Variants in AP5M1 observed in about 807,000 individuals in gnomAD.
The protein encoded by AP5M1 is AP-5 complex subunit mu-1.
In AP5M1, 44 loss-of-function variants were observed where a neutral mutation model predicts 52.3. The ratio of observed to expected loss-of-function variants is 0.84; its 90% CI spans 0.66 to 1.08. The LOEUF (loss-of-function observed/expected upper bound fraction) is 1.08, where lower values mean the gene tolerates loss of function less well. Ranked by LOEUF, AP5M1 falls within the 50% of genes least tolerant of loss-of-function variation. The pLI, the probability that AP5M1 is intolerant of heterozygous loss-of-function variation, is 0.00. For missense variants in AP5M1, 526 were observed against 568.4 expected (o/e 0.93, Z 0.76); for synonymous variants, 213 against 199.0 (o/e 1.07, Z -0.59).
At position 57,297,737 on chromosome 14, in the gene AP5M1, C is replaced by T. The variant is rs1405484836; in HGVS notation, c.*8853C>T. On this transcript the variant is annotated 3_prime_UTR_variant, in exon 8 of 8. Transcript: ENST00000261558. ...TTTTCATACCTTTATATTTCCAGTGCCACCAGAAACACAAAAGCAGCTTAG... is the reference window on the plus strand; with the variant it reads ...TTTTCATACCTTTATATTTCCAGTGTCACCAGAAACACAAAAGCAGCTTAG... The T allele has an allele frequency of 6.6e-6, 1 of 151,972 alleles. No individual in the cohort carries two copies. The highest frequency in any genetic ancestry group is 1.9e-4 in the East Asian group (1 of 5,190). The allele number at this position is 151,972 out of a possible 1,614,324, so 9.4% of individuals were successfully genotyped here.
At chr14:57,284,992 A>T (rs1885273402) in intron 6 of AP5M1, among the ~76,000 whole-genome samples, 1 of 152,176 alleles carries the variant, frequency 6.6e-6, no homozygotes, top group South Asian at 2.1e-4. Flanking sequence ...AGCCACAGAG[A>T]ACAAATAGTT....
intron 6 of AP5M1, among the ~76,000 whole-genome samples, chr14:57,283,597 A>C (rs908180107): frequency 5.3e-5 from 8 of 152,134 alleles, no homozygotes; most frequent in African/African-American, 1.7e-4. Flanking sequence ...CTTTTAAACA[A>C]GGGTTTTTTT....
At position 57,269,358 on chromosome 14, in the gene AP5M1, C is replaced by T; in HGVS notation, c.44C>T (p.Thr15Ile). ...TGGCTCATAAGCCACGAACCGGGAACTCCACTTTGTGGCACCGTGAGATTC... is the reference window on the plus strand; with the variant it reads ...TGGCTCATAAGCCACGAACCGGGAATTCCACTTTGTGGCACCGTGAGATTC... ...AVWLISHEPGTPLCGTVRFSR... is the reference protein window; with the variant it reads ...AVWLISHEPGIPLCGTVRFSR... Residue 15 changes from threonine (T) to isoleucine (I), a missense_variant, in exon 1 of 8, where the codon ACT (threonine) becomes ATT (isoleucine). Thr to Ile is a moderately conservative substitution (Grantham distance 89, BLOSUM62 -1). This residue lies in a region of AP5M1 where 425 missense variants were observed against 430.6 expected (regional missense o/e 0.99). Coordinates refer to ENST00000261558, the MANE Select transcript of AP5M1 (RefSeq NM_018229.4). 6.2e-7 allele frequency: 1 copy of T among 1,614,170 alleles called. No individual in the cohort carries two copies. The highest frequency in any genetic ancestry group is 1.1e-5 in the South Asian group (1 of 91,078).
chr14:57,275,423 G>C (rs1885008081), intron 2 of AP5M1: 2 of 138,764 alleles, frequency 1.4e-5, no homozygotes. Context: ...AGAGAGAGGA[G>C]AGAGAGAGAG....
chr14:57,283,860 C>A (rs553803143), intron 6 of AP5M1, among the ~76,000 whole-genome samples: 1 of 152,252 alleles, frequency 6.6e-6, no homozygotes, highest in Admixed American at 6.5e-5. Flanking sequence ...GTGGTGCACA[C>A]CTTTAGTCAC....
chr14:57,287,947 G>C (rs1040443871), intron 7 of AP5M1, among the ~76,000 whole-genome samples: 1 of 152,066 alleles, frequency 6.6e-6, no homozygotes, highest in African/African-American at 2.4e-5. Flanking sequence ...ATGGAACTGA[G>C]AGATTAGGGT....
intron 7 of AP5M1, 22 bp from the exon 8 acceptor site, chr14:57,288,779 TA>T: frequency 6.9e-7 from 1 of 1,451,050 alleles, no homozygotes; most frequent in Non-Finnish European, 9.6e-7. Context: ...GTCTTATCAT[TA>T]ATTTCTTTTT....
At position 57,274,610 on chromosome 14, in the gene AP5M1, A is replaced by G; in HGVS notation, c.441A>G (p.Lys147=). The G allele has an allele frequency of 6.2e-7, 1 of 1,614,200 alleles. No individual in the cohort carries two copies. The highest frequency in any genetic ancestry group is 8.5e-7 in the Non-Finnish European group (1 of 1,180,040). ...AGGATTTTCTTTATTCAGGTCAAAA[A>G]AATGACTCTGAGCTGAATACAAAAT... is the stretch of plus-strand genomic sequence containing the variant. ...GIQDFLYSGQ[K]NDSELNTKLS... The change falls in exon 2 of 8, where the codon AAA becomes AAG. Residue 147 remains lysine (K), a synonymous_variant. Transcript: ENST00000261558.
chr14:57,288,695 T>C lies in AP5M1; in HGVS notation c.1391-107T>C, dbSNP rs929461555. 3 of 680,910 alleles carry C rather than the reference T, an allele frequency of 4.4e-6. No individual in the cohort carries two copies. In the Admixed American group the frequency reaches 7.6e-5, roughly 17 times the overall value. The allele number at this position is 680,910 out of a possible 1,614,324, so 42.2% of individuals were successfully genotyped here. On this transcript the variant is annotated intron_variant, in intron 7 of 7. Transcript: ENST00000261558. ...TGAAATTAAAATGAATATTTCAAAG[T>C]ATTGACTTGAAATAACTGCATTCCA... is the stretch of plus-strand genomic sequence containing the variant.
chr14:57,274,481 G>GAT lies in AP5M1; in HGVS notation c.317_318dup (p.Ala107MetfsTer6). 6.2e-7 allele frequency: 1 copy of GAT among 1,614,172 alleles called. No individual in the cohort carries two copies. Among genetic ancestry groups the GAT allele is most frequent in the Non-Finnish European group, 8.5e-7 (1 of 1,180,022 alleles). On this transcript the variant is annotated frameshift_variant, in exon 2 of 8. Transcript: ENST00000261558. LOFTEE classifies it high-confidence loss of function. ...TTGTTGCTTTTCTGAAGAATGACAT[G>GAT]ATATATGCTTGTGTTCCACTAGTTG...
chr14:57,274,854 G>GATA lies in AP5M1; in HGVS notation c.686_688dup (p.Asp229_Thr230insAsn). On this transcript the variant is annotated inframe_insertion, in exon 2 of 8. Coordinates refer to ENST00000261558, the MANE Select transcript of AP5M1 (RefSeq NM_018229.4). The stretch of plus-strand genomic sequence containing the variant: ...GCAATATGATAAACAGGGTATAGCA[G>GATA]ATACATGGCAAGTTGTTGGAACAGT... 1 of 1,614,128 alleles carries GATA rather than the reference G, an allele frequency of 6.2e-7. No individual in the cohort carries two copies. The highest frequency in any genetic ancestry group is 8.5e-7 in the Non-Finnish European group (1 of 1,180,018).
intron 2 of AP5M1, among the ~76,000 whole-genome samples, chr14:57,279,888 G>A (rs1885130753): frequency 1.3e-5 from 2 of 152,130 alleles, no homozygotes. Flanking sequence ...TATTTAGAAG[G>A]CTGTGGCAGA....
Position 57,274,795 on chromosome 14 carries a change from T to C in AP5M1, c.626T>C (p.Val209Ala), listed in dbSNP as rs765917379. Residue 209 changes from valine (V) to alanine (A), a missense_variant, in exon 2 of 8, where the codon GTT becomes GCT. Physicochemically the swap from Val to Ala is moderately conservative, Grantham distance 64 (BLOSUM62 0). Around this residue, in one of 3 missense-constraint regions of AP5M1, gnomAD observed 425 missense variants for 430.6 expected, o/e 0.99. Coordinates refer to ENST00000261558, the MANE Select transcript of AP5M1 (RefSeq NM_018229.4). ...KTGTYKGKPQ[V>A]SISITEKVKS... is the part of the protein sequence containing the mutation. ...GGGACGTACAAAGGAAAACCACAAG[T>C]TTCTATTTCTATCACTGAAAAGGTA... The C allele has an allele frequency of 2.8e-5, 45 of 1,613,996 alleles. No homozygotes were observed. In the East Asian group the frequency reaches 1.0e-3, roughly 36 times the overall value.
rs1489879278 is a variant in AP5M1, at chr14:57,298,264, A to G, written c.*9380A>G. The G allele has an allele frequency of 6.6e-6, 1 of 152,204 alleles. No homozygotes were observed. Among genetic ancestry groups the G allele is most frequent in the Admixed American group, 6.6e-5 (1 of 15,262 alleles). 9.4% of individuals were successfully genotyped at this position (152,204 alleles called of 1,614,324 possible). On this transcript the variant is annotated 3_prime_UTR_variant, in exon 8 of 8. Coordinates refer to ENST00000261558, the MANE Select transcript of AP5M1 (RefSeq NM_018229.4). ...AGCCACAGCTTTCAGCGGTCCCCGT[A>G]TACTAATGAAATGGAGTCGCCAGTA...
rs1403179335 is a variant in AP5M1 at position 57,291,250 on chromosome 14, A to C, written c.*2366A>C. On this transcript the variant is annotated 3_prime_UTR_variant, in exon 8 of 8. Coordinates refer to ENST00000261558, the MANE Select transcript of AP5M1 (RefSeq NM_018229.4). ...GAATATGAGCAACTACTTCCAGTGAAAGATTTGGATAGTGTCAGACCTTCT... is the reference window on the plus strand; with the variant it reads ...GAATATGAGCAACTACTTCCAGTGACAGATTTGGATAGTGTCAGACCTTCT... 6.6e-6 allele frequency: 1 copy of C among 151,898 alleles called. No individual in the cohort carries two copies. Among genetic ancestry groups the C allele is most frequent in the Non-Finnish European group, 1.5e-5 (1 of 67,872 alleles). 9.4% of individuals were successfully genotyped at this position (151,898 alleles called of 1,614,324 possible).
rs991972870 is a variant in AP5M1, at chr14:57,292,296, T to C, written c.*3412T>C. ...ACAGGTTTATTCAGCAAGGATTCAG[T>C]TGGTGATTAATCCCCCTTTGATCTA... On this transcript the variant is annotated 3_prime_UTR_variant, in exon 8 of 8. Coordinates refer to ENST00000261558, the MANE Select transcript of AP5M1 (RefSeq NM_018229.4). 1 of 151,860 alleles carries C rather than the reference T, an allele frequency of 6.6e-6. No individual in the cohort carries two copies. The highest frequency in any genetic ancestry group is 2.4e-5 in the African/African-American group (1 of 41,400). 9.4% of individuals were successfully genotyped at this position (151,860 alleles called of 1,614,324 possible). A position where few individuals can be genotyped will look rare whatever the true frequency, so the allele number is the denominator to read the frequency against.
chr14:57,281,898 C>T (rs749219032), intron 3 of AP5M1, among the ~76,000 whole-genome samples, 191 bp from the exon 4 acceptor site: 30 of 152,138 alleles, frequency 2.0e-4, no homozygotes, highest in South Asian at 8.3e-4. Flanking sequence ...CTTTGTAAAG[C>T]GCTTTTCTCA....
rs1036577891 is a variant in AP5M1, at chr14:57,294,374, A to T, written c.*5490A>T. On this transcript the variant is annotated 3_prime_UTR_variant, in exon 8 of 8. Transcript: ENST00000261558. ...TTATAAATTTTGTTATGAAAAATTT[A>T]AAAATTAGTTATTCCTCTTAAATTT... The T allele has an allele frequency of 6.6e-6, 1 of 151,942 alleles. No homozygotes were observed. Among genetic ancestry groups the T allele is most frequent in the East Asian group, 1.9e-4 (1 of 5,190 alleles). The allele number at this position is 151,942 out of a possible 1,614,324, so 9.4% of individuals were successfully genotyped here. A position where few individuals can be genotyped will look rare whatever the true frequency, so the allele number is the denominator to read the frequency against.
rs1188353365 is a variant in AP5M1 at position 57,286,279 on chromosome 14, A to C, written c.1350A>C (p.Ser450=). The part of the protein sequence containing the change: ...TLTGCYADQH[S]VQVFASGKPK... ...CTGGATGTTATGCAGATCAGCATTC[A>C]GTTCAAGTTTTTGCATCAGGAAAAC... The change falls in exon 7 of 8, where the codon TCA becomes TCC. Residue 450 remains serine (S), a synonymous_variant. Transcript: ENST00000261558. 4 of 1,613,324 alleles carry C rather than the reference A, an allele frequency of 2.5e-6. No individual in the cohort carries two copies. Among genetic ancestry groups the C allele is most frequent in the Admixed American group, 3.3e-5 (2 of 59,984 alleles).
Sources: gnomAD v4.1 joint callset for allele counts (sites outside exome capture counted in the v4.1 genomes callset) on GRCh38, gnomAD v4.1.1 for gene constraint, gnomAD v4.1.1 regional missense constraint, MANE v1.5 for transcripts, NCBI Gene and HGNC (gene_info 2026-07-23, HGNC 2026-07-21) for gene names.